ACSF2: variants seen among roughly 807,000 people sequenced by gnomAD.
ACSF2 encodes medium-chain acyl-CoA ligase ACSF2, mitochondrial.
A neutral mutation model predicts 79.3 loss-of-function variants in ACSF2; 52 were observed. That is an observed-to-expected ratio of 0.66 (90% CI 0.53 to 0.83). ACSF2 has a LOEUF of 0.83. Ranked by LOEUF, ACSF2 falls within the 40% of genes least tolerant of loss-of-function variation. The pLI is 0.00. For missense variants in ACSF2, 661 were observed against 803.3 expected (o/e 0.82, Z 2.14); for synonymous variants, 283 against 312.6 (o/e 0.91, Z 1.00).
At chr17:50,427,119 G>T in intron 1 of ACSF2, 2 of 869,230 alleles carry the variant, frequency 2.3e-6, no homozygotes, top group Non-Finnish European at 3.6e-6. Context: ...CCACTGGGGA[G>T]CCCTGTGCAC....
At position 50,474,068 on chromosome 17, in the gene ACSF2, A is replaced by G. The variant is rs1415300357; in HGVS notation, c.1728+64A>G. The G allele has an allele frequency of 3.8e-6, 6 of 1,563,264 alleles. No homozygotes were observed. In the African/African-American group the frequency reaches 6.8e-5, roughly 18 times the overall value. On this transcript the variant is annotated intron_variant, in intron 14 of 15. Coordinates refer to ENST00000300441, the MANE Select transcript of ACSF2 (RefSeq NM_025149.6). This position sits in a 1 kb window ranked among gnomAD's most constrained non-coding sequence, Gnocchi z 4.2. ...TCTTTGCTCACCCACTCCTCTGCCA[A>G]CCAGCCCAGGGTGGGGATTGCTCTG...
intron 10 of ACSF2, 130 bp downstream of exon 10, chr17:50,464,424 C>G: frequency 2.1e-6 from 2 of 945,354 alleles, no homozygotes; most frequent in East Asian, 2.5e-5. Flanking sequence ...TTCCAGAAAG[C>G]AGATGTGAGA....
chr17:50,429,916 A>G (rs1915369843), intron 1 of ACSF2, among the ~76,000 whole-genome samples: 1 of 152,166 alleles, frequency 6.6e-6, no homozygotes, highest in African/African-American at 2.4e-5. Context: ...CTCCTTCCCC[A>G]AAGAAGGTGG....
At chr17:50,440,131 G>A (rs79744931) in intron 1 of ACSF2, among the ~76,000 whole-genome samples, 1 of 152,052 alleles carries the variant, frequency 6.6e-6, no homozygotes, top group African/African-American at 2.4e-5. Flanking sequence ...GCCTCCCATG[G>A]GGGGTAAGGA....
In ACSF2 at chr17:50,469,697, A is replaced by G. The variant is rs1054194867; in HGVS notation, c.1216-1331A>G. On this transcript the variant is annotated intron_variant, in intron 10 of 15. Transcript: ENST00000300441. The stretch of plus-strand genomic sequence containing the variant: ...TCGCCCCGAAATATCTCCATCCCTC[A>G]TCCCCAACCCTAGTGGTCAGGACCC... Among the ~76,000 whole-genome samples the G allele has an allele frequency of 5.9e-5, 9 of 151,976 alleles. No individual in the cohort carries two copies. The South Asian group carries it at 1.0e-3, about 18-fold the overall frequency.
intron 10 of ACSF2, chr17:50,464,768 T>TCGGGG (rs2032572006): frequency 7.9e-6 from 1 of 126,404 alleles, no homozygotes; most frequent in Non-Finnish European, 1.5e-5. Flanking sequence ...TCTGATTGAC[T>TCGGGG]TGGGGGGGGG....
rs141104529 is a variant in ACSF2, at chr17:50,472,019, T to TC, written c.1324-408dup. ...TTCTCTACCAGGCTTTCAGACTCTGTCTCTCCTGTTCACATGGTGTTGCCA... is the reference window on the plus strand; with the variant it reads ...TTCTCTACCAGGCTTTCAGACTCTGTCCTCTCCTGTTCACATGGTGTTGCCA... On this transcript the variant is annotated intron_variant, in intron 11 of 15. Coordinates refer to ENST00000300441, the MANE Select transcript of ACSF2 (RefSeq NM_025149.6). The TC allele has an allele frequency of 6.2e-3, 1,043 of 169,372 alleles. 18 individuals carry two copies. Among genetic ancestry groups the TC allele is most frequent in the African/African-American group, 0.023 (975 of 41,766 alleles). 10.5% of individuals were successfully genotyped at this position (169,372 alleles called of 1,614,324 possible).
At position 50,461,386 on chromosome 17, in the gene ACSF2, C is replaced by CT. The variant is rs754586486; in HGVS notation, c.453+18dup. The stretch of plus-strand genomic sequence containing the variant: ...CATCATTCTGGTGAGGAGGGGCTTG[C>CT]TTGGCACAGCTTGGTGTGCATGGGG... On this transcript the variant is annotated intron_variant, in intron 3 of 15. Transcript: ENST00000300441. 1.2e-6 allele frequency: 2 copies of CT among 1,613,474 alleles called. No homozygotes were observed. Among genetic ancestry groups the CT allele is most frequent in the Non-Finnish European group, 1.7e-6 (2 of 1,179,894 alleles).
chr17:50,462,556 C>T lies in ACSF2; in HGVS notation c.763C>T (p.His255Tyr). 6.2e-7 allele frequency: 1 copy of T among 1,613,980 alleles called. No homozygotes were observed. The highest frequency in any genetic ancestry group is 8.5e-7 in the Non-Finnish European group (1 of 1,179,958). Residue 255 changes from histidine (H) to tyrosine (Y), a missense_variant, in exon 6 of 16, where the codon CAT (histidine) becomes TAT (tyrosine). By Grantham distance (83) the His-to-Tyr change is moderately conservative. Transcript: ENST00000300441. ...ATACAACCAGCAGTTCCTGTCCTGC[C>T]ATGACCCCATCAACATCCAGTTCAC... ...LQYNQQFLSCHDPINIQFTSG... is the reference protein window; with the variant it reads ...LQYNQQFLSCYDPINIQFTSG...
In ACSF2 at chr17:50,463,478, G is replaced by A. The variant is rs1309452844; in HGVS notation, c.972G>A (p.Met324Ile). The change falls in exon 8 of 16, where the codon ATG becomes ATA. Residue 324 changes from methionine to isoleucine, a missense_variant. Physicochemically the swap from Met to Ile is conservative, Grantham distance 10. Coordinates refer to ENST00000300441, the MANE Select transcript of ACSF2 (RefSeq NM_025149.6). This position sits in a 1 kb window ranked among gnomAD's most constrained non-coding sequence, Gnocchi z 4.6. ...TGGCAGGCACAATGATGTGTCTGAT[G>A]TACGGTGCCACCCTCATCCTGGCCT... ...GSVAGTMMCLMYGATLILASP... is the reference protein window; with the variant it reads ...GSVAGTMMCLIYGATLILASP... The A allele has an allele frequency of 1.9e-6, 3 of 1,614,036 alleles. No homozygotes were observed. The African/African-American group carries it at 4.0e-5, about 22-fold the overall frequency.
chr17:50,451,095 C>T (rs553287192), intron 1 of ACSF2, among the ~76,000 whole-genome samples: 80 of 152,076 alleles, frequency 5.3e-4, no homozygotes, highest in Non-Finnish European at 1.0e-3. Flanking sequence ...CACCACCATG[C>T]CCAGCTAACT....
intron 1 of ACSF2, among the ~76,000 whole-genome samples, chr17:50,442,562 C>G (rs2143571498): frequency 6.6e-6 from 1 of 152,142 alleles, no homozygotes; most frequent in East Asian, 1.9e-4. Flanking sequence ...ACCTACTAGG[C>G]TCAATCAAAC....
intron 1 of ACSF2, among the ~76,000 whole-genome samples, chr17:50,442,396 C>CA (rs2030994652): frequency 6.8e-6 from 1 of 146,842 alleles, no homozygotes; most frequent in Non-Finnish European, 1.5e-5. Context: ...CTCCTGGAAT[C>CA]AAGTGATCCT....
chr17:50,437,393 T>C (rs1016027540), intron 1 of ACSF2, among the ~76,000 whole-genome samples: 1 of 152,178 alleles, frequency 6.6e-6, no homozygotes, highest in African/African-American at 2.4e-5. Context: ...CTTACGCCTG[T>C]AATCCCTACA....
chr17:50,427,080 T>A, intron 1 of ACSF2: 10 of 1,264,872 alleles, frequency 7.9e-6, no homozygotes, highest in Non-Finnish European at 9.9e-6. Context: ...CTGCCACTCA[T>A]GTTATCAGGG....
intron 1 of ACSF2, among the ~76,000 whole-genome samples, chr17:50,453,022 C>T (rs1391050258): frequency 6.6e-6 from 1 of 152,096 alleles, no homozygotes; most frequent in Non-Finnish European, 1.5e-5. Context: ...ATCACCTATG[C>T]CCTCTCCTTT....
chr17:50,460,615 A>T (rs2032270758), intron 1 of ACSF2, 62 bp from the exon 2 acceptor site: 5 of 1,504,452 alleles, frequency 3.3e-6, no homozygotes, highest in Non-Finnish European at 2.7e-6. Context: ...TGGGTGTGCC[A>T]TGCCCTTGGT....
At chr17:50,468,808 G>C in intron 10 of ACSF2, 1 of 1,531,648 alleles carries the variant, frequency 6.5e-7, no homozygotes, top group Non-Finnish European at 8.7e-7. Context: ...GCATTGGGCG[G>C]ACCATGGCTG....
chr17:50,450,270 C>G (rs2031583615), intron 1 of ACSF2: 1 of 152,450 alleles, frequency 6.6e-6, no homozygotes, highest in Non-Finnish European at 1.5e-5. Context: ...GAGGCCGAGG[C>G]AGGTGGATCA....
Sources: gnomAD v4.1 joint callset for allele counts (sites outside exome capture counted in the v4.1 genomes callset) on GRCh38, gnomAD v4.1.1 for gene constraint, Gnocchi (gnomAD v3.1) non-coding constraint, MANE v1.5 for transcripts, NCBI Gene and HGNC (gene_info 2026-07-23, HGNC 2026-07-21) for gene names.